The following PTPRK variants were observed in gnomAD, a reference collection of about 807,000 sequenced individuals.
PTPRK encodes the protein protein tyrosine phosphatase receptor type K.
In PTPRK, 75 loss-of-function variants were observed where a neutral mutation model predicts 178.0. The observed-to-expected ratio is 0.42, with a 90% CI of 0.35 to 0.51. PTPRK has a LOEUF of 0.51. Among genes scored for constraint, PTPRK ranks in the 20% least tolerant of loss-of-function variants. PTPRK has a pLI of 0.02. For missense variants in PTPRK, 1,441 were observed against 1,797.8 expected (o/e 0.80, Z 3.59); for synonymous variants, 637 against 620.6 (o/e 1.03, Z -0.39).
intron 7 of PTPRK, among the ~76,000 whole-genome samples, chr6:128,110,092 T>A (rs1426272278): frequency 1.3e-5 from 2 of 152,088 alleles, no homozygotes; most frequent in African/African-American, 2.4e-5. Flanking sequence ...TGGGGCTACT[T>A]ATTTTTATTT....
At position 128,010,539 on chromosome 6, in the gene PTPRK, T is replaced by A. The variant is rs1484308322; in HGVS notation, c.2195-1271A>T. Among the ~76,000 whole-genome samples, 21 of 151,188 alleles carry A rather than the reference T, an allele frequency of 1.4e-4. No individual in the cohort carries two copies. In the Admixed American group the frequency reaches 1.4e-3, roughly 10 times the overall value. Reference sequence around the variant, plus strand: ...CTATACATCCAAGTATCTGCTCCACTTTTCCCAACAGCCACAGATTCTGCC... The same window carrying A: ...CTATACATCCAAGTATCTGCTCCACATTTCCCAACAGCCACAGATTCTGCC... On this transcript the variant is annotated intron_variant, in intron 13 of 29. Transcript: ENST00000368226.
chr6:128,062,849 T>A (rs1781098778), intron 13 of PTPRK: 1 of 147,418 alleles, frequency 6.8e-6, no homozygotes, highest in South Asian at 2.1e-4. Context: ...TGGCTAACAT[T>A]TTTTTTTTTT....
intron 1 of PTPRK, among the ~76,000 whole-genome samples, chr6:128,455,315 A>G (rs1848262033): frequency 6.6e-6 from 1 of 152,144 alleles, no homozygotes; most frequent in Non-Finnish European, 1.5e-5. Flanking sequence ...ATAAATTCTT[A>G]TCATTAAATA....
intron 3 of PTPRK, among the ~76,000 whole-genome samples, chr6:128,275,893 C>T (rs1583845296): frequency 6.6e-6 from 1 of 152,056 alleles, no homozygotes; most frequent in Non-Finnish European, 1.5e-5. Context: ...TTTTTCTTTG[C>T]CACATGATAT....
intron 13 of PTPRK, among the ~76,000 whole-genome samples, chr6:128,052,290 A>C (rs1779145819): frequency 6.6e-6 from 1 of 152,210 alleles, no homozygotes; most frequent in South Asian, 2.1e-4. Flanking sequence ...ATAGATCACA[A>C]AATGACGTTC....
At chr6:128,494,699 C>T (rs1333853814) in intron 1 of PTPRK, among the ~76,000 whole-genome samples, 3 of 152,162 alleles carry the variant, frequency 2.0e-5, no homozygotes, top group Non-Finnish European at 2.9e-5. Context: ...GGCACCACGC[C>T]GTCATGCAAT....
At chr6:128,320,074 C>A (rs1828578773) in intron 3 of PTPRK, among the ~76,000 whole-genome samples, 2 of 152,122 alleles carry the variant, frequency 1.3e-5, no homozygotes, top group East Asian at 3.9e-4. Flanking sequence ...ATTTAGTCAT[C>A]ATTTTCTCTG....
intron 1 of PTPRK, among the ~76,000 whole-genome samples, chr6:128,448,552 T>C (rs1232000024): frequency 6.6e-6 from 1 of 152,202 alleles, no homozygotes; most frequent in Non-Finnish European, 1.5e-5. Context: ...CATGCCACAT[T>C]AGGCACTAAA....
At chr6:128,243,280 A>T (rs1424257973) in intron 3 of PTPRK, among the ~76,000 whole-genome samples, 3 of 152,004 alleles carry the variant, frequency 2.0e-5, no homozygotes, top group Non-Finnish European at 2.9e-5. Context: ...AGAAAAAAAA[A>T]GTTTCTAGAT....
intron 10 of PTPRK, 140 bp downstream of exon 10, chr6:128,082,297 G>C (rs1458486360): frequency 4.2e-6 from 3 of 708,244 alleles, no homozygotes; most frequent in Non-Finnish European, 4.7e-6. Flanking sequence ...ATTATTTAAA[G>C]TGCTTTCATT....
chr6:127,993,706 A>C (rs1197797567), intron 18 of PTPRK, among the ~76,000 whole-genome samples: 1 of 151,602 alleles, frequency 6.6e-6, no homozygotes, highest in Non-Finnish European at 1.5e-5. Flanking sequence ...TTTATGGAAA[A>C]ATTTTTCCAA....
chr6:127,985,103 A>T (rs143035563), intron 22 of PTPRK, among the ~76,000 whole-genome samples: 10 of 152,310 alleles, frequency 6.6e-5, no homozygotes, highest in African/African-American at 2.4e-4. Context: ...TCACACCTCA[A>T]AATGAGGCCA....
Position 128,067,569 on chromosome 6 carries a change from G to A in PTPRK, c.2107C>T (p.Pro703Ser). The change falls in exon 12 of 30, where the codon CCG becomes TCG. Residue 703 changes from proline (P) to serine (S), a missense_variant. By Grantham distance (74) the Pro-to-Ser change is moderately conservative. Coordinates refer to ENST00000368226, the MANE Select transcript of PTPRK (RefSeq NM_002844.4). ...YQGFWNPPLAPRKGYNIYFQA... is the reference protein window; with the variant it reads ...YQGFWNPPLASRKGYNIYFQA... Reference sequence around the variant, plus strand: ...AAATAGATGTTGTATCCTTTGCGCGGAGCCAAAGGAGGGTTCCAAAAGCCT... The same window carrying A: ...AAATAGATGTTGTATCCTTTGCGCGAAGCCAAAGGAGGGTTCCAAAAGCCT... 3.7e-6 allele frequency: 6 copies of A among 1,610,362 alleles called. No homozygotes were observed. The highest frequency in any genetic ancestry group is 5.1e-6 in the Non-Finnish European group (6 of 1,177,474).
intron 7 of PTPRK, among the ~76,000 whole-genome samples, chr6:128,135,078 T>TCACTCACA (rs1554309215): frequency 1.5e-4 from 21 of 136,382 alleles, no homozygotes; most frequent in African/African-American, 5.6e-4. Flanking sequence ...AATCATTCAA[T>TCACTCACA]CACACACACA....
intron 7 of PTPRK, among the ~76,000 whole-genome samples, chr6:128,183,046 A>C (rs936020716): frequency 6.6e-5 from 10 of 152,328 alleles, no homozygotes; most frequent in African/African-American, 2.4e-4. Context: ...ATGTATATGT[A>C]GAAAAGTGTA....
chr6:128,502,737 CTT>C (rs1351621321), intron 1 of PTPRK, among the ~76,000 whole-genome samples: 33 of 152,268 alleles, frequency 2.2e-4, no homozygotes, highest in South Asian at 1.9e-3. Flanking sequence ...TAAATCAAAA[CTT>C]ATCACTTTCT....
At chr6:128,502,662 A>G in intron 1 of PTPRK, among the ~76,000 whole-genome samples, 1 of 152,204 alleles carries the variant, frequency 6.6e-6, no homozygotes, top group Non-Finnish European at 1.5e-5. Flanking sequence ...ATTAGTCACA[A>G]CCATTATTTA....
At chr6:128,214,724 G>A (rs1052652217) in intron 6 of PTPRK, among the ~76,000 whole-genome samples, 2 of 152,058 alleles carry the variant, frequency 1.3e-5, no homozygotes, top group African/African-American at 2.4e-5. Flanking sequence ...TGGAAAGAAC[G>A]TGGATCTTTA....
In PTPRK at chr6:127,990,751, G is replaced by T; in HGVS notation, c.3096+18C>A. 2.0e-6 allele frequency: 3 copies of T among 1,501,724 alleles called. No homozygotes were observed. The highest frequency in any genetic ancestry group is 2.3e-5 in the South Asian group (2 of 85,546). The allele number at this position is 1,501,724 out of a possible 1,614,324, so 93.0% of individuals were successfully genotyped here. A position where few individuals can be genotyped will look rare whatever the true frequency, so the allele number is the denominator to read the frequency against. On this transcript the variant is annotated intron_variant, in intron 21 of 29. Coordinates refer to ENST00000368226, the MANE Select transcript of PTPRK (RefSeq NM_002844.4). ...AGTTTTGATATCACTTTTTAAAATA[G>T]AATTTTAGAGTACTTACCCTTTCCA...
Sources: gnomAD v4.1 joint callset for allele counts (sites outside exome capture counted in the v4.1 genomes callset) on GRCh38, gnomAD v4.1.1 for gene constraint, MANE v1.5 for transcripts, NCBI Gene and HGNC (gene_info 2026-07-23, HGNC 2026-07-21) for gene names.